Variants in MPHOSPH9 observed in about 807,000 individuals in gnomAD.
MPHOSPH9 encodes the protein M-phase phosphoprotein 9.
MPHOSPH9 carries 88 observed loss-of-function variants against 145.5 expected under a neutral mutation model. The ratio of observed to expected loss-of-function variants is 0.60; its 90% confidence interval spans 0.51 to 0.72. MPHOSPH9 has a LOEUF of 0.72. Ranked by LOEUF, MPHOSPH9 falls within the 30% of genes least tolerant of loss-of-function variation. MPHOSPH9 has a pLI of 0.00. For missense variants in MPHOSPH9, 1,238 were observed against 1,386.6 expected, an observed-to-expected ratio of 0.89 and a Z score of 1.70; for synonymous variants, 435 against 486.2, an observed-to-expected ratio of 0.89 and a Z score of 1.39.
At chr12:123,196,552 A>G (rs752952016) in intron 12 of MPHOSPH9, among the ~76,000 whole-genome samples, 1 of 152,198 alleles carries the variant, frequency 6.6e-6, no homozygotes, top group Non-Finnish European at 1.5e-5. Context: ...TGGGAATGAC[A>G]TAACAAAGGT....
intron 19 of MPHOSPH9, among the ~76,000 whole-genome samples, chr12:123,163,605 A>T (rs1037822733): frequency 6.6e-6 from 1 of 152,200 alleles, no homozygotes; most frequent in African/African-American, 2.4e-5. Flanking sequence ...ACTAGCTTGG[A>T]TTAATTTGAT....
chr12:123,203,193 A>C, intron 9 of MPHOSPH9, 57 bp downstream of exon 9: 1 of 1,598,578 alleles, frequency 6.3e-7, no homozygotes, highest in Non-Finnish European at 8.5e-7. Flanking sequence ...CTTGAGGTAA[A>C]AGTTAGAGTC....
In MPHOSPH9 at chr12:123,203,310, T is replaced by C; in HGVS notation, c.1260A>G (p.Glu420=). Residue 420 remains glutamate (E), a synonymous_variant, in exon 9 of 24, where the codon GAA becomes GAG. Coordinates refer to ENST00000606320, the MANE Select transcript of MPHOSPH9 (RefSeq NM_022782.4). ...LKDIYYKKQR[E]NKQLPERNLT... Reference sequence around the variant, plus strand: ...GATTCCTCTCAGGTAACTGCTTGTTTTCCCTTTGTTTTTTATAATAAATAT... The same window carrying C: ...GATTCCTCTCAGGTAACTGCTTGTTCTCCCTTTGTTTTTTATAATAAATAT... The C allele has an allele frequency of 6.2e-7, 1 of 1,613,084 alleles. No homozygotes were observed. Among genetic ancestry groups the C allele is most frequent in the East Asian group, 2.2e-5 (1 of 44,880 alleles).
In MPHOSPH9 at chr12:123,203,284, A is replaced by G. The variant is rs2046298237; in HGVS notation, c.1286T>C (p.Leu429Pro). Residue 429 changes from leucine (L) to proline (P), a missense_variant, in exon 9 of 24, where the codon CTC becomes CCC. Physicochemically the swap from Leu to Pro is moderately conservative, Grantham distance 98 (BLOSUM62 -3). This residue lies in a region of MPHOSPH9 where 837 missense variants were observed against 897.5 expected (regional missense o/e 0.93). Coordinates refer to ENST00000606320, the MANE Select transcript of MPHOSPH9 (RefSeq NM_022782.4). ...RENKQLPERNLTSASNPNHPP... is the reference protein window; with the variant it reads ...RENKQLPERNPTSASNPNHPP... ...ATGATTTGGGTTGGAAGCAGAAGTG[A>G]GATTCCTCTCAGGTAACTGCTTGTT... 4 of 1,613,994 alleles carry G rather than the reference A, an allele frequency of 2.5e-6. No homozygotes were observed. The East Asian group carries it at 8.9e-5, about 36-fold the overall frequency.
At chr12:123,183,050 C>T (rs1236837244) in intron 13 of MPHOSPH9, among the ~76,000 whole-genome samples, 1 of 150,008 alleles carries the variant, frequency 6.7e-6, no homozygotes, top group East Asian at 2.0e-4. Context: ...TCCGTCTCTA[C>T]CAAAAATATT....
chr12:123,231,653 T>C (rs1003288097), intron 1 of MPHOSPH9, among the ~76,000 whole-genome samples: 2 of 151,978 alleles, frequency 1.3e-5, no homozygotes, highest in Non-Finnish European at 2.9e-5. Flanking sequence ...GCTATGATCC[T>C]GCCACTGCAC....
intron 18 of MPHOSPH9, among the ~76,000 whole-genome samples, chr12:123,164,698 T>C (rs1282569588): frequency 6.6e-6 from 1 of 152,346 alleles, no homozygotes; most frequent in African/African-American, 2.4e-5. Context: ...AGGAATGCCA[T>C]GTAAGGCCAG....
At position 123,198,354 on chromosome 12, in the gene MPHOSPH9, C is replaced by T. The variant is rs747878986; in HGVS notation, c.1938-20G>A. On this transcript the variant is annotated intron_variant, in intron 11 of 23. Transcript: ENST00000606320. ...CCACATCTAAAAACCATAAATTTAG[C>T]TTCAATTAGAAGATAAAATTATTAC... The T allele has an allele frequency of 4.4e-6, 7 of 1,580,228 alleles. No individual in the cohort carries two copies. Among genetic ancestry groups the T allele is most frequent in the Admixed American group, 1.8e-5 (1 of 56,942 alleles).
chr12:123,231,910 G>C (rs921986650), intron 1 of MPHOSPH9, among the ~76,000 whole-genome samples: 9 of 148,406 alleles, frequency 6.1e-5, no homozygotes. Context: ...AGCTTAGAGA[G>C]TGCAACAGGA....
chr12:123,176,352 T>G lies in MPHOSPH9; in HGVS notation c.2456+336A>C, dbSNP rs1010463118. Among the ~76,000 whole-genome samples, 3 of 152,206 alleles carry G rather than the reference T, an allele frequency of 2.0e-5. No individual in the cohort carries two copies. The South Asian group carries it at 6.2e-4, about 31-fold the overall frequency. On this transcript the variant is annotated intron_variant, in intron 16 of 23. Transcript: ENST00000606320. ...AATAAAATGTCTGAAATTTTAGGGC[T>G]AAAAGACCTTTTGAGATGTTCTAGC...
Position 123,242,638 on chromosome 12 carries a change from C to T in MPHOSPH9, c.-159+1215G>A, listed in dbSNP as rs185702128. Among the ~76,000 whole-genome samples, 116 of 152,238 alleles carry T rather than the reference C, an allele frequency of 7.6e-4. 1 individual carries two copies. The highest frequency in any genetic ancestry group is 1.6e-3 in the Admixed American group (25 of 15,266). Reference sequence around the variant, plus strand: ...AACAAAGCAGCCAGTAACTGAACACCGGAGACCTTCTTGAACTCCAGCTGG... The same window carrying T: ...AACAAAGCAGCCAGTAACTGAACACTGGAGACCTTCTTGAACTCCAGCTGG... On this transcript the variant is annotated intron_variant, in intron 1 of 2. Coordinates refer to the MPHOSPH9 transcript ENST00000545406.
downstream of MPHOSPH9, chr12:123,152,869 A>G (rs1449032077): frequency 1.2e-5 from 2 of 168,566 alleles, no homozygotes; most frequent in East Asian, 3.4e-4. Context: ...GTGTGCATTT[A>G]TTTTTTAAAG....
upstream of MPHOSPH9, chr12:123,233,406 A>G (rs2047758565): frequency 6.6e-6 from 1 of 152,262 alleles, no homozygotes; most frequent in Admixed American, 6.5e-5. Flanking sequence ...AGCCTCTGGT[A>G]GATAAGAGAA....
At chr12:123,176,239 C>A (rs955725298) in intron 16 of MPHOSPH9, among the ~76,000 whole-genome samples, 2 of 152,056 alleles carry the variant, frequency 1.3e-5, no homozygotes, top group African/African-American at 4.8e-5. Flanking sequence ...TATAGCCAAG[C>A]TAATTCTGAA....
At chr12:123,240,083 G>A (rs1265062519) in intron 1 of MPHOSPH9, among the ~76,000 whole-genome samples, 6 of 151,474 alleles carry the variant, frequency 4.0e-5, no homozygotes, top group African/African-American at 1.5e-4. Context: ...GCAGAGCCTC[G>A]CCGGGCAAGG....
chr12:123,202,705 T>C lies in MPHOSPH9; in HGVS notation c.1700A>G (p.Gln567Arg). 4 of 1,614,214 alleles carry C rather than the reference T, an allele frequency of 2.5e-6. No individual in the cohort carries two copies. Among genetic ancestry groups the C allele is most frequent in the Non-Finnish European group, 3.4e-6 (4 of 1,180,042 alleles). ...GTTGGCTGTACCTGGAAGCTGGGAC[T>C]GACTGACTGAGGCCGAAGCAACCAT... ...TVMVASASVS[Q>R]SQLPGTANSV... Residue 567 changes from glutamine to arginine, a missense_variant, in exon 10 of 24, where the codon CAG (glutamine) becomes CGG (arginine). Gln to Arg is a conservative substitution (Grantham distance 43, BLOSUM62 1). This residue lies in a region of MPHOSPH9 where 837 missense variants were observed against 897.5 expected (regional missense o/e 0.93). Transcript: ENST00000606320.
chr12:123,235,000 G>T (rs2047820189), upstream of MPHOSPH9, among the ~76,000 whole-genome samples: 1 of 152,138 alleles, frequency 6.6e-6, no homozygotes, highest in African/African-American at 2.4e-5. Context: ...AGCCACTGTT[G>T]TAGATGCCTT....
Position 123,164,006 on chromosome 12 carries a change from G to A in MPHOSPH9, c.2852C>T (p.Ser951Leu), listed in dbSNP as rs761618670. The A allele has an allele frequency of 5.0e-6, 8 of 1,614,108 alleles. No homozygotes were observed. Among genetic ancestry groups the A allele is most frequent in the South Asian group, 2.2e-5 (2 of 91,074 alleles). ...TAAAGATGATGATCTCTGTGAGGCC[G>A]AATTAAGTCTCTTTTGTCTCTGTTG... is the stretch of plus-strand genomic sequence containing the variant. Reference protein sequence around the residue: ...CAQQRQKRLNSASQRSSSLPP... With the variant: ...CAQQRQKRLNLASQRSSSLPP... Residue 951 changes from serine to leucine, a missense_variant, in exon 19 of 24, where the codon TCG becomes TTG. Physicochemically the swap from Ser to Leu is moderately radical, Grantham distance 145 (BLOSUM62 -2). Around this residue, in one of 3 missense-constraint regions of MPHOSPH9, gnomAD observed 393 missense variants for 462.5 expected, o/e 0.85. Transcript: ENST00000606320.
intron 13 of MPHOSPH9, among the ~76,000 whole-genome samples, chr12:123,184,087 T>A (rs949583300): frequency 2.6e-5 from 4 of 151,508 alleles, no homozygotes; most frequent in African/African-American, 7.3e-5. Flanking sequence ...GTGCCTGTAG[T>A]CCCAGCTACT....
Sources: gnomAD v4.1 joint callset for allele counts (sites outside exome capture counted in the v4.1 genomes callset) on GRCh38, gnomAD v4.1.1 for gene constraint, gnomAD v4.1.1 regional missense constraint, MANE v1.5 for transcripts, NCBI Gene and HGNC (gene_info 2026-07-23, HGNC 2026-07-21) for gene names.